The following PRKD2 variants were observed in gnomAD, a reference collection of about 807,000 sequenced individuals.
The protein encoded by PRKD2 is serine/threonine-protein kinase D2.
In PRKD2, 22 loss-of-function variants were observed where a neutral mutation model predicts 86.0. The ratio of observed to expected loss-of-function variants is 0.26; its 90% CI spans 0.18 to 0.37. The LOEUF (loss-of-function observed/expected upper bound fraction) is 0.37. Among genes scored for constraint, PRKD2 ranks in the 10% least tolerant of loss-of-function variants. The pLI, the probability that PRKD2 is intolerant of heterozygous loss-of-function variation, is 1.00. For missense variants in PRKD2, 818 were observed against 1,199.2 expected (o/e 0.68, Z 4.70); for synonymous variants, 509 against 510.9 (o/e 1.00, Z 0.05).
At chr19:46,699,193 C>T (rs762031327) in intron 7 of PRKD2, among the ~76,000 whole-genome samples, 11 of 152,132 alleles carry the variant, frequency 7.2e-5, no homozygotes, top group Non-Finnish European at 1.0e-4. Context: ...TGCCTGGAAG[C>T]CTTTTCCCCC....
intron 15 of PRKD2, among the ~76,000 whole-genome samples, chr19:46,680,848 C>T (rs1245432413): frequency 6.7e-6 from 1 of 148,916 alleles, no homozygotes; most frequent in East Asian, 2.0e-4. Context: ...GGATTATAGG[C>T]ATGAGCCACC....
chr19:46,704,861 T>C (rs1206345056), intron 3 of PRKD2, among the ~76,000 whole-genome samples: 1 of 151,894 alleles, frequency 6.6e-6, no homozygotes, highest in Non-Finnish European at 1.5e-5. Flanking sequence ...TTCCAGCTTG[T>C]AGCCCCACCA....
At position 46,697,795 on chromosome 19, in the gene PRKD2, G is replaced by A. The variant is rs201153892; in HGVS notation, c.1177C>T (p.Arg393Trp). The stretch of plus-strand genomic sequence containing the variant: ...TCCCGCAGCGTGGTGCTGGATTTCC[G>A]CGTCGTGTGTCGCACCGATTGCACC... ...RVVQSVRHTT[R>W]KSSTTLREGW... is the part of the protein sequence containing the mutation. Residue 393 changes from arginine to tryptophan, a missense_variant, in exon 8 of 18, where the codon CGG becomes TGG. This residue lies in a region of PRKD2 where 127 missense variants were observed against 157.8 expected (regional missense o/e 0.80). Transcript: ENST00000291281. 84 of 1,613,966 alleles carry A rather than the reference G, an allele frequency of 5.2e-5. No individual in the cohort carries two copies. Among genetic ancestry groups the A allele is most frequent in the Non-Finnish European group, 6.6e-5 (78 of 1,180,030 alleles).
At chr19:46,685,258 C>CA (rs763420052) in intron 14 of PRKD2, among the ~76,000 whole-genome samples, 12,249 of 88,630 alleles carry the variant, frequency 0.14, 692 homozygotes, top group South Asian at 0.16. Context: ...GACTTCGTCT[C>CA]AAAAAAAAAA....
At chr19:46,713,731 A>G in intron 2 of PRKD2, 132 bp downstream of exon 2, 4 of 877,800 alleles carry the variant, frequency 4.6e-6, no homozygotes, top group African/African-American at 1.7e-5. Context: ...TCAGCCTCCC[A>G]AAGTGCTGGG....
intron 16 of PRKD2, chr19:46,677,455 T>C (rs1381383646): frequency 6.6e-6 from 1 of 152,172 alleles, no homozygotes; most frequent in Non-Finnish European, 1.5e-5. Flanking sequence ...ATCCCCCCCC[T>C]TCCCATACTC....
In PRKD2 at chr19:46,678,315, AC is replaced by A. The variant is rs1211970981; in HGVS notation, c.2338+80del. 47 of 1,539,052 alleles carry A rather than the reference AC, an allele frequency of 3.1e-5. No individual in the cohort carries two copies. The Admixed American group carries it at 5.0e-4, about 16-fold the overall frequency. ...AAGGTGCCAGGCTGTTTCCGGGTCC[AC>A]CCCCCTCTCATGGCTCCGCCCACTT... is the stretch of plus-strand genomic sequence containing the variant. On this transcript the variant is annotated intron_variant, in intron 16 of 17. Transcript: ENST00000291281. This position sits in a 1 kb window ranked among gnomAD's most constrained non-coding sequence, Gnocchi z 5.7.
rs544741697 is a variant in PRKD2 at position 46,694,488 on chromosome 19, G to A, written c.1318-355C>T. Among the ~76,000 whole-genome samples, 148 of 152,142 alleles carry A rather than the reference G, an allele frequency of 9.7e-4. 1 individual carries two copies. The highest frequency in any genetic ancestry group is 3.0e-3 in the African/African-American group (123 of 41,512). ...TGTGCGCCTGTAATCCCAGCTAATCGGGAGGCTGAGGCAGGAAAATCGCTT... is the reference window on the plus strand; with the variant it reads ...TGTGCGCCTGTAATCCCAGCTAATCAGGAGGCTGAGGCAGGAAAATCGCTT... On this transcript the variant is annotated intron_variant, in intron 9 of 17. Transcript: ENST00000291281.
At chr19:46,675,153 G>A (rs1384702788) in intron 16 of PRKD2, 35 bp from the exon 17 acceptor site, 2 of 1,564,420 alleles carry the variant, frequency 1.3e-6, no homozygotes, top group South Asian at 1.1e-5. Flanking sequence ...AAGCCCTACA[G>A]GTCAAGGGTC....
In PRKD2 at chr19:46,680,946, A is replaced by ATATATATATATATATATTTT; in HGVS notation, c.2070+703_2070+704insAAAATATATATATATATATA. On this transcript the variant is annotated intron_variant, in intron 15 of 17. Transcript: ENST00000291281. ...AAACTATATATATATATATATATAT[A>ATATATATATATATATATTTT]TTTTTTTTTTTTTTTTTGAGACAGA... Among the ~76,000 whole-genome samples the ATATATATATATATATATTTT allele has an allele frequency of 6.2e-3, 297 of 48,142 alleles. 2 individuals carry two copies. The highest frequency in any genetic ancestry group is 7.7e-3 in the Non-Finnish European group (190 of 24,776). The allele number at this position is 48,142 out of a possible 152,430, so 31.6% of individuals were successfully genotyped here.
intron 5 of PRKD2, among the ~76,000 whole-genome samples, chr19:46,702,299 C>CAA (rs1289343336): frequency 2.6e-5 from 4 of 151,986 alleles, no homozygotes; most frequent in African/African-American, 9.7e-5. Flanking sequence ...CTAAGCCTCC[C>CAA]AAAGTGCTGG....
intron 5 of PRKD2, among the ~76,000 whole-genome samples, chr19:46,701,860 C>A (rs779214338): frequency 6.6e-6 from 1 of 151,882 alleles, no homozygotes; most frequent in Non-Finnish European, 1.5e-5. Context: ...ACTATCCCAG[C>A]GTACCAAACA....
At chr19:46,704,764 G>T (rs190211982) in intron 3 of PRKD2, 115 bp from the exon 4 acceptor site, 1 of 1,330,076 alleles carries the variant, frequency 7.5e-7, no homozygotes, top group Admixed American at 2.7e-5. Flanking sequence ...ATCACCCCCC[G>T]CCAGCACGAT....
chr19:46,686,503 T>C (rs2053399866), intron 14 of PRKD2, among the ~76,000 whole-genome samples: 1 of 133,830 alleles, frequency 7.5e-6, no homozygotes, highest in Non-Finnish European at 1.6e-5. Flanking sequence ...AAAAAAAAAT[T>C]AGCTGGACGT....
chr19:46,711,364 G>A (rs2053806474), intron 2 of PRKD2, among the ~76,000 whole-genome samples: 1 of 152,198 alleles, frequency 6.6e-6, no homozygotes, highest in Non-Finnish European at 1.5e-5. Context: ...TTACTGAACT[G>A]TACGCTTAAA....
intron 8 of PRKD2, 50 bp downstream of exon 8, chr19:46,697,683 C>G: frequency 6.5e-7 from 1 of 1,543,800 alleles, no homozygotes. Context: ...CTGAGCCGCC[C>G]CTCTTCCAGC....
intron 16 of PRKD2, among the ~76,000 whole-genome samples, chr19:46,675,373 CTA>C (rs1306084783): frequency 2.0e-5 from 3 of 152,312 alleles, no homozygotes; most frequent in East Asian, 1.9e-4. Flanking sequence ...CCCCATTCCC[CTA>C]TGTCACCTTT....
chr19:46,674,823 C>A, intron 17 of PRKD2, 88 bp from the exon 18 acceptor site: 1 of 1,407,844 alleles, frequency 7.1e-7, no homozygotes, highest in Non-Finnish European at 9.6e-7. Flanking sequence ...AGCTGGGTAC[C>A]AATGAAGGTG....
chr19:46,697,126 G>A lies in PRKD2; in HGVS notation c.1317+31C>T, dbSNP rs776502613. On this transcript the variant is annotated intron_variant, in intron 9 of 17. Transcript: ENST00000291281. ...GGAAAGTTTGTGGGCACAGCGGGAA[G>A]TCCGAGGGAGCTGAAAGCCCGGAGG... 6 of 1,517,910 alleles carry A rather than the reference G, an allele frequency of 4.0e-6. No homozygotes were observed. The South Asian group carries it at 6.7e-5, about 17-fold the overall frequency. The allele number at this position is 1,517,910 out of a possible 1,614,324, so 94.0% of individuals were successfully genotyped here.
Sources: allele counts gnomAD v4.1 joint callset (sites outside exome capture counted in the v4.1 genomes callset), GRCh38; gene constraint gnomAD v4.1.1; regional missense constraint gnomAD v4.1.1; non-coding constraint Gnocchi (gnomAD v3.1); transcripts MANE v1.5; gene names NCBI Gene and HGNC (gene_info 2026-07-23, HGNC 2026-07-21).